GIMAP7: variants seen among roughly 807,000 people sequenced by gnomAD.
GIMAP7 encodes the protein GTPase IMAP family member 7.
For synonymous variants in GIMAP7, 137 were observed against 129.3 expected (o/e 1.06, Z -0.40); for missense variants, 323 against 359.7 (o/e 0.90, Z 0.83).
At position 150,520,141 on chromosome 7, in the gene GIMAP7, G is replaced by C. The variant is rs769439572; in HGVS notation, c.167G>C (p.Gly56Ala). The change falls in exon 2 of 2, where the codon GGG becomes GCG. Residue 56 changes from glycine (G) to alanine (A), a missense_variant. Transcript: ENST00000313543. ...NCQKASREWQ[G>A]RDLLVVDTPG... ...CAAAAAGCATCCCGGGAATGGCAGG[G>C]GAGAGACCTTCTTGTTGTAGACACT... The C allele has an allele frequency of 7.5e-5, 121 of 1,614,010 alleles. No individual in the cohort carries two copies. The highest frequency in any genetic ancestry group is 8.7e-5 in the Non-Finnish European group (103 of 1,180,018).
chr7:150,520,059 C>A lies in GIMAP7; in HGVS notation c.85C>A (p.Leu29Ile), dbSNP rs1314056503. The A allele has an allele frequency of 1.2e-6, 2 of 1,613,972 alleles. No homozygotes were observed. The highest frequency in any genetic ancestry group is 1.7e-6 in the Non-Finnish European group (2 of 1,180,004). The change falls in exon 2 of 2, where the codon CTT (leucine) becomes ATT (isoleucine). Residue 29 changes from leucine to isoleucine, a missense_variant. Coordinates refer to ENST00000313543, the MANE Select transcript of GIMAP7 (RefSeq NM_153236.4). ...SGKSATANTI[L>I]GEEIFDSRIA... ...GAAAAGTGCAACAGCGAACACCATC[C>A]TTGGAGAGGAAATCTTTGATTCTAG...
intron 1 of GIMAP7, among the ~76,000 whole-genome samples, chr7:150,518,475 T>C (rs1271969928): frequency 2.0e-5 from 3 of 152,142 alleles, no homozygotes; most frequent in Admixed American, 2.0e-4. Flanking sequence ...TCTTTTTATG[T>C]ATTCAAGGAT....
intron 1 of GIMAP7, among the ~76,000 whole-genome samples, chr7:150,515,380 G>A (rs1429865983): frequency 2.6e-5 from 4 of 152,156 alleles, no homozygotes; most frequent in South Asian, 2.1e-4. Context: ...CACTCATGGC[G>A]GAGGAACACT....
chr7:150,516,131 T>C (rs1472195142), intron 1 of GIMAP7, among the ~76,000 whole-genome samples: 1 of 152,128 alleles, frequency 6.6e-6, no homozygotes, highest in African/African-American at 2.4e-5. Context: ...ATTTAAAAAA[T>C]TAGAATAATA....
chr7:150,518,844 A>C (rs1453514539), intron 1 of GIMAP7, among the ~76,000 whole-genome samples: 1 of 152,020 alleles, frequency 6.6e-6, no homozygotes, highest in Non-Finnish European at 1.5e-5. Context: ...TTTCTGATCT[A>C]TTTGGAATTT....
intron 1 of GIMAP7, among the ~76,000 whole-genome samples, chr7:150,518,144 C>G (rs1795153144): frequency 6.6e-6 from 1 of 151,992 alleles, no homozygotes; most frequent in African/African-American, 2.4e-5. Context: ...CAACTGGTCC[C>G]CACTGATGGG....
chr7:150,519,808 CTGT>C, intron 1 of GIMAP7, 123 bp from the exon 2 acceptor site: 1 of 595,846 alleles, frequency 1.7e-6, no homozygotes, highest in Non-Finnish European at 2.9e-6. Flanking sequence ...TCTGTCTTTA[CTGT>C]GATTAATATG....
intron 1 of GIMAP7, among the ~76,000 whole-genome samples, chr7:150,515,264 G>T (rs923627974): frequency 6.6e-6 from 1 of 152,174 alleles, no homozygotes; most frequent in African/African-American, 2.4e-5. Flanking sequence ...ATTTGTAAAG[G>T]TGACAGGCAA....
chr7:150,516,895 T>C (rs1032269888), intron 1 of GIMAP7, among the ~76,000 whole-genome samples: 4 of 152,248 alleles, frequency 2.6e-5, no homozygotes, highest in Non-Finnish European at 4.4e-5. Context: ...GATGCTATCC[T>C]AAACTTCTAT....
chr7:150,519,238 C>G (rs1795163161), intron 1 of GIMAP7, among the ~76,000 whole-genome samples: 1 of 151,810 alleles, frequency 6.6e-6, no homozygotes, highest in African/African-American at 2.4e-5. Flanking sequence ...TATTTTAGTT[C>G]CAGAAAAAAA....
chr7:150,519,942 C>G lies in GIMAP7; in HGVS notation c.-33C>G. ...ATCTTCCCCTCCTTAAGGTCTTGTA[C>G]GTGCCTAAGTTCTAGAGCCTCCTGA... On this transcript the variant is annotated 5_prime_UTR_variant, in exon 2 of 2. Transcript: ENST00000313543. The G allele has an allele frequency of 1.3e-6, 2 of 1,599,346 alleles. No individual in the cohort carries two copies. The highest frequency in any genetic ancestry group is 1.7e-6 in the Non-Finnish European group (2 of 1,170,136).
intron 1 of GIMAP7, among the ~76,000 whole-genome samples, chr7:150,516,529 T>C (rs1795138999): frequency 6.6e-6 from 1 of 152,240 alleles, no homozygotes; most frequent in South Asian, 2.1e-4. Flanking sequence ...AAAAGGCAAC[T>C]ATAAATTTTA....
intron 1 of GIMAP7, among the ~76,000 whole-genome samples, chr7:150,516,288 A>T (rs1369245292): frequency 6.6e-6 from 1 of 152,212 alleles, no homozygotes; most frequent in Non-Finnish European, 1.5e-5. Flanking sequence ...ATTTATACTT[A>T]TTCAAAGGTA....
rs765909367 is a variant in GIMAP7 at position 150,520,911 on chromosome 7, T to G, written c.*34T>G. On this transcript the variant is annotated 3_prime_UTR_variant, in exon 2 of 2. Transcript: ENST00000313543. ...GATTTGTTAATGGATGAATTGTATT[T>G]TGCAAAGATAGTTAGAGAAATACCT... The G allele has an allele frequency of 8.3e-7, 1 of 1,199,004 alleles. No individual in the cohort carries two copies. Among genetic ancestry groups the G allele is most frequent in the African/African-American group, 1.6e-5 (1 of 62,256 alleles). 74.3% of individuals were successfully genotyped at this position (1,199,004 alleles called of 1,614,324 possible).
intron 1 of GIMAP7, among the ~76,000 whole-genome samples, chr7:150,516,392 CTCTA>C (rs1169672394): frequency 5.9e-5 from 9 of 152,328 alleles, no homozygotes; most frequent in East Asian, 3.9e-4. Context: ...CTATTCTCAA[CTCTA>C]TCACAGATTA....
At position 150,517,200 on chromosome 7, in the gene GIMAP7, A is replaced by G. The variant is rs539453178; in HGVS notation, c.-42+2255A>G. On this transcript the variant is annotated intron_variant, in intron 1 of 1. Transcript: ENST00000313543. ...TTTCTTAGCATACTCCAAAGGGAGC[A>G]ATTAACTTCTTTCAGGAAGATGGTG... 7.2e-5 allele frequency among the ~76,000 whole-genome samples: 11 copies of G among 152,308 alleles called. No individual in the cohort carries two copies. The South Asian group carries it at 1.4e-3, about 20-fold the overall frequency.
At chr7:150,517,114 A>G (rs751098112) in intron 1 of GIMAP7, among the ~76,000 whole-genome samples, 1 of 152,244 alleles carries the variant, frequency 6.6e-6, no homozygotes, top group Non-Finnish European at 1.5e-5. Context: ...GATGAGATGT[A>G]TGAAAGACAA....
chr7:150,515,135 A>G (rs1795121771), intron 1 of GIMAP7, among the ~76,000 whole-genome samples, 190 bp downstream of exon 1: 1 of 152,178 alleles, frequency 6.6e-6, no homozygotes. Flanking sequence ...GAGCCCATGC[A>G]TCTCATATGT....
chr7:150,516,116 T>A (rs1408273353), intron 1 of GIMAP7, among the ~76,000 whole-genome samples: 1 of 152,156 alleles, frequency 6.6e-6, no homozygotes, highest in Admixed American at 6.5e-5. Context: ...CACACCAGCT[T>A]CCTCATTTAA....
Sources: gnomAD v4.1 joint callset for allele counts (sites outside exome capture counted in the v4.1 genomes callset) on GRCh38, gnomAD v4.1.1 for gene constraint, MANE v1.5 for transcripts, NCBI Gene and HGNC (gene_info 2026-07-23, HGNC 2026-07-21) for gene names.